Variants in HPSE2 observed in about 807,000 individuals in gnomAD.
The protein encoded by HPSE2 is heparanase 2 (inactive).
In HPSE2, 38 loss-of-function variants were observed where a neutral mutation model predicts 60.5. The observed-to-expected ratio is 0.63, with a 90% CI of 0.48 to 0.82. The LOEUF (loss-of-function observed/expected upper bound fraction) is 0.82, where lower values mean the gene tolerates loss of function less well. Among genes scored for constraint, HPSE2 ranks in the 40% least tolerant of loss-of-function variants. The pLI is 0.00. For synonymous variants in HPSE2, 295 were observed against 293.2 expected, an observed-to-expected ratio of 1.01 and a Z score of -0.06; for missense variants, 713 against 740.4, an observed-to-expected ratio of 0.96 and a Z score of 0.43.
intron 3 of HPSE2, among the ~76,000 whole-genome samples, chr10:98,814,844 A>G (rs1443289354): frequency 6.6e-6 from 1 of 152,240 alleles, no homozygotes; most frequent in African/African-American, 2.4e-5. Context: ...TCATTATCCA[A>G]TATAATTTGT....
intron 9 of HPSE2, among the ~76,000 whole-genome samples, chr10:98,562,804 T>C (rs1944230337): frequency 6.6e-6 from 1 of 152,198 alleles, no homozygotes; most frequent in Admixed American, 6.5e-5. Flanking sequence ...AATGATTCTA[T>C]GTACAAATTT....
intron 3 of HPSE2, among the ~76,000 whole-genome samples, chr10:98,921,600 A>G (rs886632401): frequency 1.3e-5 from 2 of 152,186 alleles, no homozygotes; most frequent in Admixed American, 1.3e-4. Context: ...AGAATCCATA[A>G]AAACACATCT....
intron 3 of HPSE2, among the ~76,000 whole-genome samples, chr10:99,006,301 T>C (rs1315893288): frequency 6.6e-6 from 1 of 152,050 alleles, no homozygotes; most frequent in African/African-American, 2.4e-5. Context: ...CCAGAGTCTG[T>C]TGGAGCAGGC....
chr10:98,565,352 A>AGT (rs147106861), intron 9 of HPSE2, among the ~76,000 whole-genome samples: 9,786 of 151,618 alleles, frequency 0.065, 1,031 homozygotes, highest in African/African-American at 0.22. Context: ...CAGGGCCCGG[A>AGT]GTGTGTTTGT....
At chr10:99,206,599 A>G (rs1848757228) in intron 2 of HPSE2, among the ~76,000 whole-genome samples, 1 of 151,942 alleles carries the variant, frequency 6.6e-6, no homozygotes, top group East Asian at 1.9e-4. Flanking sequence ...TTGTGAATGC[A>G]TGGCAAATTG....
chr10:98,552,106 C>T (rs1342248027), intron 9 of HPSE2, among the ~76,000 whole-genome samples: 5 of 152,046 alleles, frequency 3.3e-5, no homozygotes, highest in Non-Finnish European at 7.3e-5. Context: ...GAGTGACTAA[C>T]AGGATGATGA....
At chr10:99,174,558 G>T (rs1040913744) in intron 2 of HPSE2, among the ~76,000 whole-genome samples, 2 of 152,182 alleles carry the variant, frequency 1.3e-5, no homozygotes, top group African/African-American at 4.8e-5. Context: ...TCAAATCCTA[G>T]ATTGGTAACA....
chr10:99,181,010 G>T (rs1847746317), intron 2 of HPSE2, among the ~76,000 whole-genome samples: 1 of 151,672 alleles, frequency 6.6e-6, no homozygotes. Context: ...AAGACAGTGT[G>T]ACGATTCTTC....
intron 3 of HPSE2, among the ~76,000 whole-genome samples, chr10:98,748,907 A>G (rs1286483588): frequency 6.6e-6 from 1 of 152,190 alleles, no homozygotes; most frequent in Non-Finnish European, 1.5e-5. Context: ...GATTAATCAA[A>G]CAGTGAGGTT....
chr10:98,652,119 G>C (rs541986544), intron 6 of HPSE2, among the ~76,000 whole-genome samples: 2 of 152,246 alleles, frequency 1.3e-5, no homozygotes, highest in South Asian at 2.1e-4. Context: ...AAAAGCAACT[G>C]CTCCTTGAAA....
intron 3 of HPSE2, among the ~76,000 whole-genome samples, chr10:99,029,899 A>C (rs537629372): frequency 4.6e-5 from 7 of 152,286 alleles, no homozygotes; most frequent in Admixed American, 4.6e-4. Context: ...CAGTCTGCTA[A>C]GTAGCGGATG....
chr10:98,711,769 A>C (rs2134221571), intron 5 of HPSE2, among the ~76,000 whole-genome samples: 1 of 152,220 alleles, frequency 6.6e-6, no homozygotes, highest in African/African-American at 2.4e-5. Context: ...TTGATCTTTA[A>C]AATAAAGATA....
intron 9 of HPSE2, among the ~76,000 whole-genome samples, chr10:98,599,555 G>C (rs1400533646): frequency 6.6e-6 from 1 of 152,170 alleles, no homozygotes; most frequent in African/African-American, 2.4e-5. Context: ...ATGGGGGCCT[G>C]ACCAGTGCTC....
intron 9 of HPSE2, among the ~76,000 whole-genome samples, chr10:98,512,630 A>ATGGG (rs1942451062): frequency 6.6e-6 from 1 of 151,874 alleles, no homozygotes. Flanking sequence ...CTTGCTGGGT[A>ATGGG]AAGTAGGAAG....
At chr10:99,180,555 A>G (rs895270864) in intron 2 of HPSE2, among the ~76,000 whole-genome samples, 1 of 152,194 alleles carries the variant, frequency 6.6e-6, no homozygotes, top group Non-Finnish European at 1.5e-5. Flanking sequence ...ACAATGAGAT[A>G]CCATCTCAGG....
chr10:98,576,981 G>C (rs752583925), intron 9 of HPSE2, among the ~76,000 whole-genome samples: 1 of 151,676 alleles, frequency 6.6e-6, no homozygotes, highest in East Asian at 1.9e-4. Flanking sequence ...TGGTACGAAC[G>C]ATGAGGATTT....
chr10:98,561,804 T>C lies in HPSE2; in HGVS notation c.1320+53100A>G, dbSNP rs139020531. 2.1e-4 allele frequency among the ~76,000 whole-genome samples: 32 copies of C among 152,318 alleles called. 1 individual carries two copies. The highest frequency in any genetic ancestry group is 7.7e-4 in the African/African-American group (32 of 41,576). ...CGGAGTTTGCAGCGAGCTGAGATCG[T>C]GCCACTGCACTGTAGCCTGGGCGAT... On this transcript the variant is annotated intron_variant, in intron 9 of 11. Transcript: ENST00000370552.
chr10:98,699,418 A>G, intron 5 of HPSE2, among the ~76,000 whole-genome samples: 1 of 104,990 alleles, frequency 9.5e-6, no homozygotes, highest in Admixed American at 1.2e-4. Context: ...AGATGCAGAA[A>G]AGGCCTTTGA....
At chr10:99,099,526 A>G (rs1321841812) in intron 3 of HPSE2, among the ~76,000 whole-genome samples, 1 of 152,222 alleles carries the variant, frequency 6.6e-6, no homozygotes, top group African/African-American at 2.4e-5. Flanking sequence ...CACCACAGCT[A>G]AAGGAAGCCT....
Sources: gnomAD v4.1 joint callset for allele counts (sites outside exome capture counted in the v4.1 genomes callset) on GRCh38, gnomAD v4.1.1 for gene constraint, MANE v1.5 for transcripts, NCBI Gene and HGNC (gene_info 2026-07-23, HGNC 2026-07-21) for gene names.